Variants in CCDC18 observed in about 807,000 individuals in gnomAD.
The protein encoded by CCDC18 is coiled-coil domain containing 18.
A neutral mutation model predicts 196.0 loss-of-function variants in CCDC18; 157 were observed. The observed-to-expected ratio is 0.80, with a 90% CI of 0.70 to 0.91. The LOEUF (loss-of-function observed/expected upper bound fraction) is 0.91. Ranked by LOEUF, CCDC18 falls within the 40% of genes least tolerant of loss-of-function variation. The pLI, the probability that CCDC18 is intolerant of heterozygous loss-of-function variation, is 0.00. For missense variants in CCDC18, 1,465 were observed against 1,611.6 expected, an observed-to-expected ratio of 0.91 and a Z score of 1.56; for synonymous variants, 482 against 529.2, an observed-to-expected ratio of 0.91 and a Z score of 1.22.
At chr1:93,278,135 C>T (rs1292166752) in intron 28 of CCDC18, among the ~76,000 whole-genome samples, 3 of 151,932 alleles carry the variant, frequency 2.0e-5, no homozygotes, top group African/African-American at 4.8e-5. Flanking sequence ...TACAGACGCT[C>T]GCCACCACAC....
chr1:93,194,703 C>T (rs576531285), intron 6 of CCDC18, among the ~76,000 whole-genome samples: 2 of 152,314 alleles, frequency 1.3e-5, no homozygotes, highest in African/African-American at 4.8e-5. Context: ...ATTCACACTT[C>T]ACTTACTCAG....
chr1:93,198,261 G>C (rs2101768119), intron 6 of CCDC18, among the ~76,000 whole-genome samples: 1 of 152,316 alleles, frequency 6.6e-6, no homozygotes, highest in South Asian at 2.1e-4. Context: ...TCTATAAACT[G>C]TGGTATGTTC....
chr1:93,260,761 C>T (rs146739498), intron 26 of CCDC18, among the ~76,000 whole-genome samples: 3,786 of 152,102 alleles, frequency 0.025, 132 homozygotes, highest in African/African-American at 0.081. Flanking sequence ...AATGTTATCC[C>T]TCCTCTAATC....
chr1:93,241,066 C>T (rs1660710738), intron 21 of CCDC18, among the ~76,000 whole-genome samples: 1 of 152,062 alleles, frequency 6.6e-6, no homozygotes, highest in Non-Finnish European at 1.5e-5. Context: ...AGCAATTCTC[C>T]TGCCTCAGCC....
chr1:93,233,949 A>C (rs1659633396), intron 18 of CCDC18, among the ~76,000 whole-genome samples: 1 of 151,606 alleles, frequency 6.6e-6, no homozygotes, highest in African/African-American at 2.4e-5. Context: ...CTTTTGTTAA[A>C]ATTTAGACCT....
rs766381290 is a variant in CCDC18, at chr1:93,207,251, T to TA, written c.1063dup (p.Arg355LysfsTer9). The TA allele has an allele frequency of 1.9e-6, 3 of 1,613,610 alleles. No individual in the cohort carries two copies. In the East Asian group the frequency reaches 6.7e-5, roughly 36 times the overall value. On this transcript the variant is annotated frameshift_variant, in exon 9 of 29. Transcript: ENST00000690025. LOFTEE classifies it high-confidence loss of function. ...AGTTAGAGAACAAAGACGAAATACTTAGAGACAAATTTTCTTTAATGAATG... is the reference window on the plus strand; with the variant it reads ...AGTTAGAGAACAAAGACGAAATACTTAAGAGACAAATTTTCTTTAATGAATG...
chr1:93,259,767 A>G (rs527921687), intron 26 of CCDC18, among the ~76,000 whole-genome samples: 1 of 152,356 alleles, frequency 6.6e-6, no homozygotes, highest in Non-Finnish European at 1.5e-5. Flanking sequence ...TGTTGGACTC[A>G]GCATAATTAT....
At chr1:93,223,475 C>A (rs1219781528) in intron 16 of CCDC18, among the ~76,000 whole-genome samples, 1 of 152,114 alleles carries the variant, frequency 6.6e-6, no homozygotes, top group Non-Finnish European at 1.5e-5. Context: ...GACTTTTGTT[C>A]ATGTCTCTCA....
At chr1:93,182,437 T>C (rs761105344) in intron 1 of CCDC18, among the ~76,000 whole-genome samples, 2 of 152,140 alleles carry the variant, frequency 1.3e-5, no homozygotes, top group Non-Finnish European at 2.9e-5. Flanking sequence ...TGGGATGGGA[T>C]CAGAATGCTA....
intron 28 of CCDC18, among the ~76,000 whole-genome samples, chr1:93,274,160 T>C (rs566713402): frequency 6.6e-6 from 1 of 152,142 alleles, no homozygotes; most frequent in Non-Finnish European, 1.5e-5. Flanking sequence ...ATCCCAGCAC[T>C]TTGGGAGGCT....
upstream of CCDC18, chr1:93,180,713 G>A (rs757544446): frequency 2.6e-5 from 36 of 1,359,746 alleles, no homozygotes; most frequent in Middle Eastern, 4.2e-4. Flanking sequence ...CGTCCCAACG[G>A]CTCCCGCGGC....
At chr1:93,183,289 T>G in intron 1 of CCDC18, 71 bp from the exon 2 acceptor site, 2 of 1,080,168 alleles carry the variant, frequency 1.9e-6, no homozygotes, top group South Asian at 2.0e-5. Flanking sequence ...TAAATTCTAT[T>G]CATGTGAGTA....
chr1:93,252,506 A>G (rs1313834124), intron 23 of CCDC18, among the ~76,000 whole-genome samples: 1 of 151,374 alleles, frequency 6.6e-6, no homozygotes, highest in Admixed American at 6.6e-5. Context: ...AGTTTTTTTG[A>G]TAAATTTCTC....
chr1:93,274,519 A>G (rs1156510325), intron 28 of CCDC18, among the ~76,000 whole-genome samples: 4 of 152,112 alleles, frequency 2.6e-5, no homozygotes, highest in East Asian at 3.9e-4. Flanking sequence ...CACCTATTCA[A>G]TTATCATTGA....
At chr1:93,267,543 C>T (rs1002955333) in intron 27 of CCDC18, among the ~76,000 whole-genome samples, 1 of 152,206 alleles carries the variant, frequency 6.6e-6, no homozygotes, top group Non-Finnish European at 1.5e-5. Flanking sequence ...TTAGAAAACC[C>T]TATCATCTCA....
intron 12 of CCDC18, 21 bp from the exon 13 acceptor site, chr1:93,216,615 T>C (rs778051955): frequency 1.3e-5 from 16 of 1,203,412 alleles, no homozygotes; most frequent in Non-Finnish European, 1.5e-5. Context: ...TAATTTTACA[T>C]TTATTTCAAT....
chr1:93,209,110 C>T (rs1655202092), intron 9 of CCDC18, among the ~76,000 whole-genome samples: 1 of 152,210 alleles, frequency 6.6e-6, no homozygotes, highest in Admixed American at 6.5e-5. Flanking sequence ...AGGCATGTGC[C>T]ACCATGCCCA....
chr1:93,181,619 C>A (rs1571305862), intron 1 of CCDC18, among the ~76,000 whole-genome samples: 1 of 151,778 alleles, frequency 6.6e-6, no homozygotes, highest in Admixed American at 6.6e-5. Context: ...TTAGGGAGTT[C>A]TTTCTTTTTT....
At chr1:93,227,969 A>ATATATATATATATATATAT (rs1199036758) in intron 17 of CCDC18, among the ~76,000 whole-genome samples, 1 of 101,298 alleles carries the variant, frequency 9.9e-6, no homozygotes, top group East Asian at 2.6e-4. Context: ...AAAAAAAAAA[A>ATATATATATATATATATAT]AAATATATAT....
Sources: allele counts gnomAD v4.1 joint callset (sites outside exome capture counted in the v4.1 genomes callset), GRCh38; gene constraint gnomAD v4.1.1; transcripts MANE v1.5; gene names NCBI Gene and HGNC (gene_info 2026-07-23, HGNC 2026-07-21).